AUTS2: variants seen among roughly 807,000 people sequenced by gnomAD.
AUTS2 encodes the protein activator of transcription and developmental regulator AUTS2, also known as autism susceptibility gene 2 protein.
Under a neutral mutation model 112.4 loss-of-function variants are expected in AUTS2, and 17 were observed. The observed-to-expected ratio is 0.15, with a 90% CI of 0.10 to 0.23. The LOEUF (loss-of-function observed/expected upper bound fraction) is 0.23. AUTS2 is among the 10% of genes least tolerant of loss of function. The pLI, the probability that AUTS2 is intolerant of heterozygous loss-of-function variation, is 1.00. For missense variants in AUTS2, 1,510 were observed against 1,701.6 expected, an observed-to-expected ratio of 0.89 and a Z score of 1.98; for synonymous variants, 751 against 702.7, an observed-to-expected ratio of 1.07 and a Z score of -1.09.
At chr7:70,581,499 G>A (rs917898349) in intron 5 of AUTS2, among the ~76,000 whole-genome samples, 2 of 152,192 alleles carry the variant, frequency 1.3e-5, no homozygotes, top group African/African-American at 4.8e-5. Context: ...TCTAGGCTAT[G>A]ATTGCACCAC....
chr7:70,329,474 T>C (rs1790645673), intron 4 of AUTS2, among the ~76,000 whole-genome samples: 1 of 152,122 alleles, frequency 6.6e-6, no homozygotes, highest in Non-Finnish European at 1.5e-5. Context: ...GCCACTCTTA[T>C]GGGTATGAAG....
chr7:70,338,708 G>A (rs1208205978), intron 4 of AUTS2, among the ~76,000 whole-genome samples: 1 of 151,960 alleles, frequency 6.6e-6, no homozygotes, highest in African/African-American at 2.4e-5. Flanking sequence ...GAGGACATGT[G>A]GTTTCCTGGA....
Position 70,088,672 on chromosome 7 carries a change from G to T in AUTS2, c.523-29460G>T, listed in dbSNP as rs545912757. 3.5e-4 allele frequency among the ~76,000 whole-genome samples: 53 copies of T among 151,640 alleles called. 2 individuals are homozygous for T. In the South Asian group the frequency reaches 4.2e-3, roughly 12 times the overall value. The stretch of plus-strand genomic sequence containing the variant: ...TTGTCCCCCAGGCTGGCGTGCAATG[G>T]CGCGATCTCGGCTGACTGCAACCTC... On this transcript the variant is annotated intron_variant, in intron 2 of 18. Transcript: ENST00000342771.
chr7:70,014,250 G>A (rs768410821), intron 2 of AUTS2, among the ~76,000 whole-genome samples: 16 of 152,180 alleles, frequency 1.1e-4, no homozygotes, highest in Non-Finnish European at 2.2e-4. Context: ...TAGAAAGGGA[G>A]CTTAAAGAGG....
intron 4 of AUTS2, among the ~76,000 whole-genome samples, chr7:70,178,725 A>G (rs905561776): frequency 4.6e-5 from 7 of 152,120 alleles, no homozygotes; most frequent in African/African-American, 1.4e-4. Context: ...GCTTGAACCC[A>G]GTAGATGGAG....
intron 3 of AUTS2, 143 bp downstream of exon 3, chr7:70,118,376 A>G: frequency 1.0e-6 from 1 of 984,794 alleles, no homozygotes; most frequent in Non-Finnish European, 1.4e-6. Flanking sequence ...GGTTCACATT[A>G]TCTTTGTATA....
At chr7:70,377,943 T>A (rs1036067832) in intron 4 of AUTS2, among the ~76,000 whole-genome samples, 20 of 151,732 alleles carry the variant, frequency 1.3e-4, no homozygotes, top group African/African-American at 4.8e-4. Context: ...GCTAATTTTT[T>A]TTTTTTTTGT....
At chr7:69,729,469 G>A (rs1447773118) in intron 1 of AUTS2, among the ~76,000 whole-genome samples, 1 of 125,224 alleles carries the variant, frequency 8.0e-6, no homozygotes, top group African/African-American at 3.2e-5. Context: ...TATGTCACGT[G>A]AACATCACTT....
chr7:70,559,337 CTT>C (rs560110467), intron 5 of AUTS2, among the ~76,000 whole-genome samples: 1 of 145,050 alleles, frequency 6.9e-6, no homozygotes. Context: ...TCCTTTCTTT[CTT>C]TTTTTTTTTT....
At chr7:69,962,694 G>C (rs1797478408) in intron 2 of AUTS2, among the ~76,000 whole-genome samples, 1 of 151,964 alleles carries the variant, frequency 6.6e-6, no homozygotes, top group South Asian at 2.1e-4. Context: ...GTGAGTGTGT[G>C]CATGCATGCA....
At chr7:69,949,225 C>G (rs902441881) in intron 2 of AUTS2, among the ~76,000 whole-genome samples, 3 of 152,158 alleles carry the variant, frequency 2.0e-5, no homozygotes, top group African/African-American at 7.2e-5. Flanking sequence ...GTATGTAATG[C>G]ATATGATGTA....
At chr7:69,898,141 C>A (rs1794829180) in intron 1 of AUTS2, among the ~76,000 whole-genome samples, 2 of 152,042 alleles carry the variant, frequency 1.3e-5, no homozygotes, top group Admixed American at 1.3e-4. Context: ...TTACACATTG[C>A]ATGCTTGTAT....
intron 5 of AUTS2, among the ~76,000 whole-genome samples, chr7:70,520,304 A>G (rs1033178792): frequency 1.3e-5 from 2 of 152,214 alleles, no homozygotes; most frequent in African/African-American, 2.4e-5. Flanking sequence ...ATAAAACCCA[A>G]GTCTGTTGCT....
At chr7:70,077,044 T>C (rs985918361) in intron 2 of AUTS2, among the ~76,000 whole-genome samples, 1 of 152,184 alleles carries the variant, frequency 6.6e-6, no homozygotes, top group Non-Finnish European at 1.5e-5. Context: ...ATTAGACTTA[T>C]TCTGGGGGGT....
At chr7:70,282,884 A>G (rs1788286551) in intron 4 of AUTS2, among the ~76,000 whole-genome samples, 1 of 152,172 alleles carries the variant, frequency 6.6e-6, no homozygotes, top group Non-Finnish European at 1.5e-5. Flanking sequence ...ATCAGCTTTC[A>G]TATCCCCATG....
At chr7:70,713,793 G>A (rs867935191) in intron 6 of AUTS2, among the ~76,000 whole-genome samples, 1 of 152,104 alleles carries the variant, frequency 6.6e-6, no homozygotes, top group Non-Finnish European at 1.5e-5. Context: ...CTACTCAGGA[G>A]GCTGAGGCAG....
At chr7:69,923,295 A>G (rs1674300825) in intron 2 of AUTS2, among the ~76,000 whole-genome samples, 1 of 152,288 alleles carries the variant, frequency 6.6e-6, no homozygotes, top group South Asian at 2.1e-4. Flanking sequence ...TTGTCCATGT[A>G]TGTGTGAGTT....
intron 4 of AUTS2, among the ~76,000 whole-genome samples, chr7:70,414,987 G>T (rs1281064124): frequency 6.6e-6 from 1 of 152,136 alleles, no homozygotes; most frequent in Non-Finnish European, 1.5e-5. Flanking sequence ...TTTGGGACTG[G>T]GTTGATGTCA....
intron 1 of AUTS2, among the ~76,000 whole-genome samples, chr7:69,871,838 T>G (rs1793510951): frequency 6.6e-6 from 1 of 152,194 alleles, no homozygotes; most frequent in South Asian, 2.1e-4. Context: ...ATTTTTCATT[T>G]AATATTTTCA....
Sources: allele counts gnomAD v4.1 joint callset (sites outside exome capture counted in the v4.1 genomes callset), GRCh38; gene constraint gnomAD v4.1.1; transcripts MANE v1.5; gene names NCBI Gene and HGNC (gene_info 2026-07-23, HGNC 2026-07-21).